The following ADGRL2 variants were observed in gnomAD, a reference collection of about 807,000 sequenced individuals.
ADGRL2 encodes calcium-independent alpha-latrotoxin receptor 2.
A neutral mutation model predicts 157.4 loss-of-function variants in ADGRL2; 44 were observed. The observed-to-expected ratio is 0.28, with a 90% CI of 0.22 to 0.36. The LOEUF (loss-of-function observed/expected upper bound fraction) is 0.36, where lower values mean the gene tolerates loss of function less well. ADGRL2 is among the 10% of genes least tolerant of loss of function. The pLI, the probability that ADGRL2 is intolerant of heterozygous loss-of-function variation, is 1.00. For missense variants in ADGRL2, 1,510 were observed against 1,768.9 expected (o/e 0.85, Z 2.63); for synonymous variants, 585 against 624.7 (o/e 0.94, Z 0.95).
intron 1 of ADGRL2, among the ~76,000 whole-genome samples, chr1:81,403,240 TTGTTG>T (rs1272998002): frequency 9.5e-5 from 2 of 21,020 alleles, no homozygotes; most frequent in Non-Finnish European, 9.5e-4. Context: ...TTTTTTTTTG[TTGTTG>T]TTTGTTTGTT....
At chr1:81,480,969 T>G (rs548342420) in intron 2 of ADGRL2, among the ~76,000 whole-genome samples, 53 of 152,334 alleles carry the variant, frequency 3.5e-4, no homozygotes, top group Non-Finnish European at 5.9e-4. Context: ...ATAAGTATAT[T>G]TCAGCATTTA....
chr1:81,620,275 C>CAA (rs113161280), intron 3 of ADGRL2, among the ~76,000 whole-genome samples: 1 of 150,960 alleles, frequency 6.6e-6, no homozygotes, highest in Admixed American at 6.6e-5. Flanking sequence ...CATGCAAATA[C>CAA]AAAAAAAAGT....
At chr1:81,541,362 G>A (rs1570440218) in intron 2 of ADGRL2, among the ~76,000 whole-genome samples, 1 of 152,206 alleles carries the variant, frequency 6.6e-6, no homozygotes, top group Middle Eastern at 3.4e-3. Context: ...GCAAGCTCTT[G>A]GATGTGGAGT....
chr1:81,405,328 C>G (rs1446362177), intron 1 of ADGRL2, among the ~76,000 whole-genome samples: 1 of 152,108 alleles, frequency 6.6e-6, no homozygotes, highest in Non-Finnish European at 1.5e-5. Context: ...ATTGGATGTA[C>G]TGCCACATAT....
intron 1 of ADGRL2, among the ~76,000 whole-genome samples, chr1:81,405,032 A>G (rs1218590374): frequency 6.6e-6 from 1 of 152,226 alleles, no homozygotes; most frequent in Admixed American, 6.5e-5. Flanking sequence ...GTTCTAATAC[A>G]TAAATTCATC....
At position 81,628,430 on chromosome 1, in the gene ADGRL2, C is replaced by A. The variant is rs76075003; in HGVS notation, c.-143+47450C>A. On this transcript the variant is annotated intron_variant, in intron 3 of 24. Transcript: ENST00000370721. ...TCTCACCAGCTAACTAAATGTCCAG[C>A]CTTGATAACTCTTGATTGGTATAAA... is the stretch of plus-strand genomic sequence containing the variant. Among the ~76,000 whole-genome samples, 737 of 152,194 alleles carry A rather than the reference C, an allele frequency of 4.8e-3. 7 individuals are homozygous for A. The highest frequency in any genetic ancestry group is 0.017 in the African/African-American group (708 of 41,510).
intron 10 of ADGRL2, among the ~76,000 whole-genome samples, chr1:81,954,658 TA>T (rs1424646058): frequency 1.3e-5 from 2 of 152,154 alleles, no homozygotes; most frequent in African/African-American, 4.8e-5. Flanking sequence ...GCATTTCGAC[TA>T]TTCTGTCTCC....
At chr1:81,383,738 G>A (rs1261957741) in intron 1 of ADGRL2, among the ~76,000 whole-genome samples, 1 of 146,662 alleles carries the variant, frequency 6.8e-6, no homozygotes, top group Non-Finnish European at 1.5e-5. Context: ...GCCAAGGTGG[G>A]CAGATCACAA....
Position 81,415,494 on chromosome 1 carries a change from T to C in ADGRL2, c.-301-29542T>C, listed in dbSNP as rs576390749. On this transcript the variant is annotated intron_variant, in intron 1 of 24. Coordinates refer to the ADGRL2 transcript ENST00000370721. ...TAATAGTGGGGAAGAGAGGGGTCCCTAAAAAAAGATACGATAAGAGGAAAG... is the reference window on the plus strand; with the variant it reads ...TAATAGTGGGGAAGAGAGGGGTCCCCAAAAAAAGATACGATAAGAGGAAAG... Among the ~76,000 whole-genome samples the C allele has an allele frequency of 1.2e-4, 19 of 152,216 alleles. No individual in the cohort carries two copies. In the East Asian group the frequency reaches 3.7e-3, roughly 29 times the overall value.
At chr1:81,962,853 C>T (rs1385773995) in intron 11 of ADGRL2, among the ~76,000 whole-genome samples, 1 of 152,050 alleles carries the variant, frequency 6.6e-6, no homozygotes, top group African/African-American at 2.4e-5. Context: ...ATGTTAATAT[C>T]TGTTGAGTCT....
chr1:81,469,051 T>G (rs2101854653), intron 2 of ADGRL2, among the ~76,000 whole-genome samples: 1 of 152,298 alleles, frequency 6.6e-6, no homozygotes, highest in South Asian at 2.1e-4. Context: ...CACCTGTACT[T>G]CAATTTCCCT....
At chr1:81,965,979 T>C in intron 11 of ADGRL2, 79 bp from the exon 12 acceptor site, 3 of 1,409,258 alleles carry the variant, frequency 2.1e-6, no homozygotes, top group Non-Finnish European at 2.9e-6. Flanking sequence ...GTAGTTTCCA[T>C]ACAGTTATCA....
chr1:81,838,789 T>C (rs962833681), intron 2 of ADGRL2, among the ~76,000 whole-genome samples: 1 of 152,056 alleles, frequency 6.6e-6, no homozygotes, highest in Non-Finnish European at 1.5e-5. Flanking sequence ...ATACTGCAGC[T>C]TTATTTTCAG....
intron 2 of ADGRL2, chr1:81,503,204 G>A: frequency 1.9e-6 from 3 of 1,614,224 alleles, no homozygotes; most frequent in Non-Finnish European, 1.7e-6. Flanking sequence ...ATCAACGGCA[G>A]GGAAGACAGA....
intron 2 of ADGRL2, among the ~76,000 whole-genome samples, chr1:81,447,554 G>A (rs1192741282): frequency 6.6e-6 from 1 of 152,118 alleles, no homozygotes; most frequent in Non-Finnish European, 1.5e-5. Flanking sequence ...TGGGGCTCTA[G>A]TCCCAAATCT....
chr1:81,668,279 G>T (rs903444980), intron 3 of ADGRL2, among the ~76,000 whole-genome samples: 14 of 151,978 alleles, frequency 9.2e-5, no homozygotes, highest in African/African-American at 3.1e-4. Context: ...ACAAAAATTA[G>T]TCGGACATGG....
chr1:81,447,768 C>T lies in ADGRL2; in HGVS notation c.-248+2679C>T, dbSNP rs570649913. Among the ~76,000 whole-genome samples, 6 of 152,244 alleles carry T rather than the reference C, an allele frequency of 3.9e-5. No homozygotes were observed. The South Asian group carries it at 1.2e-3, about 32-fold the overall frequency. On this transcript the variant is annotated intron_variant, in intron 2 of 24. Transcript: ENST00000370721. ...ATCTTTCCTTACATGTATGCGTATG[C>T]CTCTCATATGGTTTGTATCTGTGTC...
chr1:81,485,259 T>G (rs2147909399), intron 2 of ADGRL2, among the ~76,000 whole-genome samples: 1 of 151,904 alleles, frequency 6.6e-6, no homozygotes, highest in East Asian at 1.9e-4. Context: ...ATTAGGGAAT[T>G]TTCAAGATCA....
At chr1:81,539,787 G>T in intron 2 of ADGRL2, among the ~76,000 whole-genome samples, 1 of 149,854 alleles carries the variant, frequency 6.7e-6, no homozygotes, top group East Asian at 1.9e-4. Flanking sequence ...CATCACATCT[G>T]TATTCCAGCA....
Sources: gnomAD v4.1 joint callset for allele counts (sites outside exome capture counted in the v4.1 genomes callset) on GRCh38, gnomAD v4.1.1 for gene constraint, MANE v1.5 for transcripts, NCBI Gene and HGNC (gene_info 2026-07-23, HGNC 2026-07-21) for gene names.